COPA: variants seen among roughly 807,000 people sequenced by gnomAD.
COPA encodes coatomer subunit alpha.
COPA carries 10 observed loss-of-function variants against 158.7 expected under a neutral mutation model. That is an observed-to-expected ratio of 0.06 (90% confidence interval 0.04 to 0.11). The LOEUF is 0.11. Among genes scored for constraint, COPA ranks in the 10% least tolerant of loss-of-function variants. The probability of loss-of-function intolerance (pLI) is 1.00; values close to 1 mark genes in which losing one functional copy is unlikely to be tolerated. For synonymous variants in COPA, 462 were observed against 542.8 expected (o/e 0.85, Z 2.07); for missense variants, 1,065 against 1,536.7 (o/e 0.69, Z 5.13).
Position 160,294,819 on chromosome 1 carries a change from T to A in COPA, c.2515A>T (p.Thr839Ser), listed in dbSNP as rs745391240. Residue 839 changes from threonine (T) to serine (S), a missense_variant, in exon 24 of 33, where the codon ACT becomes TCT. Around this residue, in one of 2 missense-constraint regions of COPA, gnomAD observed 980 missense variants for 1,357.8 expected, o/e 0.72. Coordinates refer to ENST00000241704, the MANE Select transcript of COPA (RefSeq NM_004371.4). ...GALAADIDID[T>S]VGTEGWGEDA... is the part of the protein sequence containing the mutation. ...TCTCCCCAGCCCTCTGTACCAACAG[T>A]GTCAATGTCAATGTCAGCAGCCAGT... 5.0e-5 allele frequency: 81 copies of A among 1,613,462 alleles called. No individual in the cohort carries two copies. Among genetic ancestry groups the A allele is most frequent in the Non-Finnish European group, 6.7e-5 (79 of 1,179,614 alleles).
At position 160,290,224 on chromosome 1, in the gene COPA, A is replaced by G. The variant is rs79708106; in HGVS notation, c.3616-8T>C. On this transcript the variant is annotated splice_region_variant and splice_polypyrimidine_tract_variant and intron_variant, in intron 32 of 32. Coordinates refer to ENST00000241704, the MANE Select transcript of COPA (RefSeq NM_004371.4). Reference sequence around the variant, plus strand: ...TTTGCCAATCTCTGTCACCTGTGGAAAAACAAACAAAGGAACAAGTTAGAG... The same window carrying G: ...TTTGCCAATCTCTGTCACCTGTGGAGAAACAAACAAAGGAACAAGTTAGAG... 36 of 1,614,138 alleles carry G rather than the reference A, an allele frequency of 2.2e-5. No homozygotes were observed. Among genetic ancestry groups the G allele is most frequent in the Non-Finnish European group, 3.1e-5 (36 of 1,179,980 alleles).
chr1:160,302,929 T>C (rs1351950503), intron 17 of COPA, among the ~76,000 whole-genome samples: 1 of 152,024 alleles, frequency 6.6e-6, no homozygotes, highest in East Asian at 1.9e-4. Flanking sequence ...TCCCAGCACT[T>C]TGGGAAGCTG....
In COPA at chr1:160,298,849, A is replaced by G. The variant is rs528466335; in HGVS notation, c.1973T>C (p.Ile658Thr). 20 of 1,614,046 alleles carry G rather than the reference A, an allele frequency of 1.2e-5. No homozygotes were observed. The highest frequency in any genetic ancestry group is 4.5e-5 in the East Asian group (2 of 44,874). The change falls in exon 19 of 33, where the codon ATT (isoleucine) becomes ACT (threonine). Residue 658 changes from isoleucine (I) to threonine (T), a missense_variant. Ile to Thr is a moderately conservative substitution (Grantham distance 89, BLOSUM62 -1). This residue lies in a region of COPA where 980 missense variants were observed against 1,357.8 expected (regional missense o/e 0.72). Transcript: ENST00000241704. ...TGATGACCATATTCCTCTCACCTCA[A>G]TGTTTCCACACTCCAGTGCCAGACT... ...RFSLALECGN[I>T]EIALEAAKAL...
intron 19 of COPA, 82 bp downstream of exon 19, chr1:160,298,763 G>T: frequency 6.6e-7 from 1 of 1,514,694 alleles, no homozygotes; most frequent in Non-Finnish European, 9.0e-7. Context: ...AAAGAAGCAA[G>T]CCCAGAATAA....
chr1:160,309,121 G>A lies in COPA; in HGVS notation c.1199C>T (p.Ala400Val). 1 of 1,613,536 alleles carries A rather than the reference G, an allele frequency of 6.2e-7. No homozygotes were observed. Among genetic ancestry groups the A allele is most frequent in the East Asian group, 2.2e-5 (1 of 44,872 alleles). Residue 400 changes from alanine to valine, a missense_variant, in exon 13 of 33, where the codon GCT (alanine) becomes GTT (valine). Ala to Val is a moderately conservative substitution (Grantham distance 64). Coordinates refer to ENST00000241704, the MANE Select transcript of COPA (RefSeq NM_004371.4). The part of the protein sequence containing the change: ...TYDLYTIPKD[A>V]DSQNPDAPEG... ...CTTACCATCAGGATTCTGGGAGTCAGCATCTTTAGGGATGGTGTACAGGTC... is the reference window on the plus strand; with the variant it reads ...CTTACCATCAGGATTCTGGGAGTCAACATCTTTAGGGATGGTGTACAGGTC...
At position 160,323,545 on chromosome 1, in the gene COPA, G is replaced by T; in HGVS notation, c.607-15C>A. The T allele has an allele frequency of 6.3e-7, 1 of 1,594,584 alleles. No homozygotes were observed. On this transcript the variant is annotated splice_polypyrimidine_tract_variant and intron_variant, in intron 7 of 32. Coordinates refer to ENST00000241704, the MANE Select transcript of COPA (RefSeq NM_004371.4). Reference sequence around the variant, plus strand: ...CGATCGTGACCCTGTAGAAAAGAGTGGTTCTTCTAAAACATCTTTATAGTC... The same window carrying T: ...CGATCGTGACCCTGTAGAAAAGAGTTGTTCTTCTAAAACATCTTTATAGTC...
intron 17 of COPA, among the ~76,000 whole-genome samples, chr1:160,300,880 A>T (rs769960391): frequency 3.3e-5 from 5 of 152,240 alleles, no homozygotes; most frequent in Non-Finnish European, 7.3e-5. Context: ...GCACTTTGGG[A>T]GGCTGAGGCA....
chr1:160,313,197 T>G lies in COPA; in HGVS notation c.843-30A>C, dbSNP rs759844729. The G allele has an allele frequency of 6.3e-6, 10 of 1,590,968 alleles. No individual in the cohort carries two copies. The Admixed American group carries it at 1.7e-4, about 27-fold the overall frequency. On this transcript the variant is annotated intron_variant, in intron 9 of 32. Transcript: ENST00000241704. The stretch of plus-strand genomic sequence containing the variant: ...AAAAGGTACACAAAAAGAAAAACAT[T>G]AATTTCCTAGGAATCTTCAGCCCAT...
In COPA at chr1:160,289,175, T is replaced by C. The variant is rs1658137306; in HGVS notation, c.*982A>G. On this transcript the variant is annotated 3_prime_UTR_variant, in exon 33 of 33. Coordinates refer to ENST00000241704, the MANE Select transcript of COPA (RefSeq NM_004371.4). ...TTTCCAATAGTGGATGTTTATTTTGTAATTAAAAATTATTACTGGAAGGAA... is the reference window on the plus strand; with the variant it reads ...TTTCCAATAGTGGATGTTTATTTTGCAATTAAAAATTATTACTGGAAGGAA... The C allele has an allele frequency of 1.3e-5, 2 of 151,890 alleles. No homozygotes were observed. The highest frequency in any genetic ancestry group is 1.3e-4 in the Admixed American group (2 of 15,252). 9.4% of individuals were successfully genotyped at this position (151,890 alleles called of 1,614,324 possible). A position where few individuals can be genotyped will look rare whatever the true frequency, so the allele number is the denominator to read the frequency against.
At chr1:160,341,008 G>A (rs997458605) in intron 1 of COPA, among the ~76,000 whole-genome samples, 1 of 152,130 alleles carries the variant, frequency 6.6e-6, no homozygotes, top group African/African-American at 2.4e-5. Context: ...ACAATCACAG[G>A]ACTCACCTTG....
At chr1:160,307,775 T>C (rs900993156) in intron 13 of COPA, among the ~76,000 whole-genome samples, 7 of 152,264 alleles carry the variant, frequency 4.6e-5, no homozygotes, top group African/African-American at 7.2e-5. Context: ...CTGACCATTC[T>C]TATCACCCTG....
At chr1:160,316,750 C>CA (rs550170815) in intron 8 of COPA, among the ~76,000 whole-genome samples, 1,193 of 92,308 alleles carry the variant, frequency 0.013, 8 homozygotes, top group Middle Eastern at 0.037. Flanking sequence ...AATTCTGTCT[C>CA]AAAAAAAAAA....
At chr1:160,314,204 A>G (rs999286802) in intron 8 of COPA, 79 bp from the exon 9 acceptor site, 1 of 1,464,434 alleles carries the variant, frequency 6.8e-7, no homozygotes, top group Non-Finnish European at 9.2e-7. Context: ...CATCCTCTTC[A>G]TCAAGAACTA....
At chr1:160,336,686 A>C (rs1240108377) in intron 3 of COPA, among the ~76,000 whole-genome samples, 2 of 152,140 alleles carry the variant, frequency 1.3e-5, no homozygotes, top group African/African-American at 4.8e-5. Flanking sequence ...AAAATAAGAG[A>C]CCAGATGCAT....
chr1:160,292,433 A>C, intron 28 of COPA, 51 bp downstream of exon 28: 1 of 1,609,142 alleles, frequency 6.2e-7, no homozygotes, highest in Non-Finnish European at 8.5e-7. Context: ...TACCATCTGA[A>C]ATATCGACCA....
At chr1:160,339,205 C>T (rs1193356293) in intron 3 of COPA, among the ~76,000 whole-genome samples, 1 of 130,680 alleles carries the variant, frequency 7.7e-6, no homozygotes, top group East Asian at 2.3e-4. Flanking sequence ...GATTCATTTC[C>T]TTAAATTCTC....
At position 160,297,361 on chromosome 1, in the gene COPA, G is replaced by T. The variant is rs1257209835; in HGVS notation, c.2245C>A (p.Leu749Met). The T allele has an allele frequency of 1.9e-6, 3 of 1,614,098 alleles. No homozygotes were observed. Among genetic ancestry groups the T allele is most frequent in the Non-Finnish European group, 2.5e-6 (3 of 1,180,008 alleles). Residue 749 changes from leucine (L) to methionine (M), a missense_variant, in exon 21 of 33, where the codon CTG (leucine) becomes ATG (methionine). By Grantham distance (15) the Leu-to-Met change is conservative (BLOSUM62 2). Transcript: ENST00000241704. The part of the protein sequence containing the change: ...LGDVSERVRI[L>M]KNCGQKSLAY... ...TACTTACTCTGTCCACAGTTCTTCAGGATCCGCACACGCTCTGACACATCA... is the reference window on the plus strand; with the variant it reads ...TACTTACTCTGTCCACAGTTCTTCATGATCCGCACACGCTCTGACACATCA...
chr1:160,305,176 GTGGT>G, intron 17 of COPA: 1 of 319,684 alleles, frequency 3.1e-6, no homozygotes, highest in Non-Finnish European at 5.7e-6. Context: ...TTTGACTTGG[GTGGT>G]AGTTATGCTG....
Position 160,343,121 on chromosome 1 carries a change from T to G in COPA, c.40+10A>C. 1 of 1,613,980 alleles carries G rather than the reference T, an allele frequency of 6.2e-7. No homozygotes were observed. Among genetic ancestry groups the G allele is most frequent in the Non-Finnish European group, 8.5e-7 (1 of 1,180,006 alleles). On this transcript the variant is annotated intron_variant, in intron 1 of 32. Coordinates refer to ENST00000241704, the MANE Select transcript of COPA (RefSeq NM_004371.4). Reference sequence around the variant, plus strand: ...CCAACCTCCATGTTCCCCCTTTTATTCTCCACTACCTTTGACCCGCGCGCT... The same window carrying G: ...CCAACCTCCATGTTCCCCCTTTTATGCTCCACTACCTTTGACCCGCGCGCT...
Sources: allele counts gnomAD v4.1 joint callset (sites outside exome capture counted in the v4.1 genomes callset), GRCh38; gene constraint gnomAD v4.1.1; regional missense constraint gnomAD v4.1.1; transcripts MANE v1.5; gene names NCBI Gene and HGNC (gene_info 2026-07-23, HGNC 2026-07-21).